Variants in NFATC2 observed in about 807,000 individuals in gnomAD.
NFATC2 encodes the protein nuclear factor of activated T-cells, cytoplasmic 2.
Under a neutral mutation model 87.3 loss-of-function variants are expected in NFATC2, and 22 were observed. The ratio of observed to expected loss-of-function variants is 0.25; its 90% CI spans 0.18 to 0.36. NFATC2 has a LOEUF of 0.36. Among genes scored for constraint, NFATC2 ranks in the 10% least tolerant of loss-of-function variants. The pLI, the probability that NFATC2 is intolerant of heterozygous loss-of-function variation, is 1.00. For missense variants in NFATC2, 1,149 were observed against 1,259.1 expected, an observed-to-expected ratio of 0.91 and a Z score of 1.32; for synonymous variants, 565 against 542.2, an observed-to-expected ratio of 1.04 and a Z score of -0.58.
intron 3 of NFATC2, among the ~76,000 whole-genome samples, chr20:51,477,535 CTATATATATA>C (rs11467129): frequency 0.026 from 1,923 of 72,662 alleles, 57 homozygotes; most frequent in African/African-American, 0.076. Flanking sequence ...GTGTGTGTGT[CTATATATATA>C]TATATATATA....
chr20:51,543,136 C>A (rs1601001420), upstream of NFATC2, among the ~76,000 whole-genome samples: 1 of 152,120 alleles, frequency 6.6e-6, no homozygotes, highest in East Asian at 1.9e-4. Context: ...CCCACGGGGG[C>A]GGCATGATTT....
rs774584684 is a variant in NFATC2 at position 51,474,030 on chromosome 20, G to A, written c.1658C>T (p.Ser553Phe). 4 of 1,614,126 alleles carry A rather than the reference G, an allele frequency of 2.5e-6. No homozygotes were observed. The highest frequency in any genetic ancestry group is 3.3e-5 in the Admixed American group (2 of 60,010). ...RLVFRVHIPE[S>F]SGRIVSLQTA... ...CTGTAAAGAGACGATTCTGCCACTG[G>A]ACTCTGGGATGTGAACTCGGAAAAC... The change falls in exon 5 of 11, where the codon TCC becomes TTC. Residue 553 changes from serine to phenylalanine, a missense_variant. Transcript: ENST00000371564.
chr20:51,422,735 C>T (rs558353764), intron 9 of NFATC2, among the ~76,000 whole-genome samples: 39 of 152,290 alleles, frequency 2.6e-4, no homozygotes, highest in Middle Eastern at 3.4e-3. Flanking sequence ...ACCACAGCTA[C>T]TTCAGGGCAG....
intron 1 of NFATC2, among the ~76,000 whole-genome samples, chr20:51,534,803 CCT>C (rs2076693496): frequency 6.6e-6 from 1 of 152,178 alleles, no homozygotes. Context: ...AGAACCACTC[CCT>C]GACTTTTCTC....
intron 1 of NFATC2, among the ~76,000 whole-genome samples, chr20:51,537,295 G>A (rs928572967): frequency 3.3e-5 from 5 of 151,936 alleles, no homozygotes; most frequent in African/African-American, 1.2e-4. Context: ...CAGTGCCCAG[G>A]GGAAAGGGCT....
chr20:51,540,667 T>TTTTTTTTTTTTTTTTTTTTTTTGTTTG (rs1555818370), intron 1 of NFATC2, among the ~76,000 whole-genome samples: 1 of 147,232 alleles, frequency 6.8e-6, no homozygotes, highest in African/African-American at 2.6e-5. Context: ...TGTTTTTTTT[T>TTTTTTTTTTTTTTTTTTTTTTTGTTTG]TTTTGAGAAA....
intron 5 of NFATC2, among the ~76,000 whole-genome samples, chr20:51,455,055 T>C (rs748589596): frequency 2.6e-5 from 4 of 152,256 alleles, no homozygotes; most frequent in Non-Finnish European, 5.9e-5. Flanking sequence ...AACTTCTTTA[T>C]AAGAGGTTTC....
At position 51,557,222 on chromosome 20, in the gene NFATC2, A is replaced by G. The variant is rs61384609; in HGVS notation, c.70+5338T>C. Among the ~76,000 whole-genome samples the G allele has an allele frequency of 8.3e-3, 1,262 of 152,294 alleles. 22 individuals carry two copies. The highest frequency in any genetic ancestry group is 0.029 in the African/African-American group (1,204 of 41,556). On this transcript the variant is annotated intron_variant, in intron 1 of 10. Transcript: ENST00000414705. ...GAGAATCCAATGTGATAATATCTGT[A>G]AAGTGGCTGGCCTTAGGGTACACAT... is the stretch of plus-strand genomic sequence containing the variant.
intron 10 of NFATC2, among the ~76,000 whole-genome samples, chr20:51,397,894 A>G (rs1482246445): frequency 6.6e-6 from 1 of 152,214 alleles, no homozygotes; most frequent in East Asian, 1.9e-4. Flanking sequence ...TAAGAAGCTG[A>G]GGCACAGAGA....
At chr20:51,422,443 C>T (rs1451926259) in intron 9 of NFATC2, among the ~76,000 whole-genome samples, 1 of 152,132 alleles carries the variant, frequency 6.6e-6, no homozygotes, top group East Asian at 1.9e-4. Context: ...AGGCCCCAGC[C>T]CTGCGTCTAT....
rs1986237027 is a variant in NFATC2, at chr20:51,390,843, G to A, written c.*653C>T. The A allele has an allele frequency of 5.4e-6, 1 of 184,726 alleles. No homozygotes were observed. The highest frequency in any genetic ancestry group is 1.1e-4 in the South Asian group (1 of 9,060). 11.4% of individuals were successfully genotyped at this position (184,726 alleles called of 1,614,324 possible). A position where few individuals can be genotyped will look rare whatever the true frequency, so the allele number is the denominator to read the frequency against. On this transcript the variant is annotated 3_prime_UTR_variant, in exon 11 of 11. Transcript: ENST00000371564. Reference sequence around the variant, plus strand: ...TGTGGCCCAGTTGTGGCATGGACTGGGCGAGCTCTAAGGACTGACAGTTCA... The same window carrying A: ...TGTGGCCCAGTTGTGGCATGGACTGAGCGAGCTCTAAGGACTGACAGTTCA...
intron 6 of NFATC2, among the ~76,000 whole-genome samples, chr20:51,452,150 A>G (rs759414111): frequency 6.6e-6 from 1 of 151,756 alleles, no homozygotes; most frequent in Non-Finnish European, 1.5e-5. Context: ...TCCTCAGCTC[A>G]CTCCTCAACT....
rs771443055 is a variant in NFATC2 at position 51,432,596 on chromosome 20, G to T, written c.2193C>A (p.Phe731Leu). ...LVATMAPCQQ[F>L]RTGLSSPDAR... ...CGTCAGGGGATGAGAGCCCCGTGCG[G>T]AACTGCTGGCAGGGAGCCATGGTGG... Residue 731 changes from phenylalanine to leucine, a missense_variant, in exon 9 of 11, where the codon TTC becomes TTA. By Grantham distance (22) the Phe-to-Leu change is conservative (BLOSUM62 0). This residue lies in a region of NFATC2 where 581 missense variants were observed against 649.7 expected (regional missense o/e 0.89). Coordinates refer to ENST00000371564, the MANE Select transcript of NFATC2 (RefSeq NM_012340.5). This position sits in a 1 kb window ranked among gnomAD's most constrained non-coding sequence, Gnocchi z 4.6. 10 of 1,531,772 alleles carry T rather than the reference G, an allele frequency of 6.5e-6. No homozygotes were observed. The highest frequency in any genetic ancestry group is 7.0e-6 in the Non-Finnish European group (8 of 1,140,368). 94.9% of individuals were successfully genotyped at this position (1,531,772 alleles called of 1,614,324 possible).
At chr20:51,529,751 T>C (rs2076603593) in intron 1 of NFATC2, among the ~76,000 whole-genome samples, 1 of 152,206 alleles carries the variant, frequency 6.6e-6, no homozygotes, top group African/African-American at 2.4e-5. Flanking sequence ...TTCACTCACT[T>C]ATTTTTTTTT....
At chr20:51,504,015 T>G (rs1050792187) in intron 3 of NFATC2, among the ~76,000 whole-genome samples, 5 of 147,470 alleles carry the variant, frequency 3.4e-5, no homozygotes, top group Admixed American at 1.3e-4. Context: ...AGCTAATTTT[T>G]GGGGTTTTTT....
intron 6 of NFATC2, among the ~76,000 whole-genome samples, chr20:51,450,261 G>A (rs1044416320): frequency 1.3e-5 from 2 of 152,198 alleles, no homozygotes; most frequent in Non-Finnish European, 2.9e-5. Context: ...GCTGGTGACC[G>A]CTGTGGGTTA....
chr20:51,538,776 G>T (rs1184430307), intron 1 of NFATC2, among the ~76,000 whole-genome samples: 3 of 152,192 alleles, frequency 2.0e-5, no homozygotes, highest in African/African-American at 7.2e-5. Flanking sequence ...TTCAAGGCAG[G>T]TAACGGTCCT....
intron 3 of NFATC2, among the ~76,000 whole-genome samples, chr20:51,505,863 G>A (rs376521835): frequency 1.3e-5 from 2 of 152,162 alleles, no homozygotes; most frequent in Non-Finnish European, 1.5e-5. Flanking sequence ...CTCAGAGGTC[G>A]CGGCATGAAA....
chr20:51,469,683 A>C (rs887554197), intron 5 of NFATC2, among the ~76,000 whole-genome samples: 18 of 152,186 alleles, frequency 1.2e-4, no homozygotes, highest in Non-Finnish European at 2.6e-4. Context: ...ACAGAAAAAG[A>C]TACACACAGA....
Sources: allele counts gnomAD v4.1 joint callset (sites outside exome capture counted in the v4.1 genomes callset), GRCh38; gene constraint gnomAD v4.1.1; regional missense constraint gnomAD v4.1.1; non-coding constraint Gnocchi (gnomAD v3.1); transcripts MANE v1.5; gene names NCBI Gene and HGNC (gene_info 2026-07-23, HGNC 2026-07-21).